The following HGF variants were observed in gnomAD, a reference collection of about 807,000 sequenced individuals.
HGF encodes hepatocyte growth factor, also known as fibroblast-derived tumor cytotoxic factor.
A neutral mutation model predicts 111.6 loss-of-function variants in HGF; 39 were observed. That is an observed-to-expected ratio of 0.35 (90% CI 0.27 to 0.46). HGF has a LOEUF of 0.46. Ranked by LOEUF, HGF falls within the 20% of genes least tolerant of loss-of-function variation. HGF has a pLI of 1.00. For missense variants in HGF, 735 were observed against 910.5 expected, an observed-to-expected ratio of 0.81 and a Z score of 2.48; for synonymous variants, 285 against 294.8, an observed-to-expected ratio of 0.97 and a Z score of 0.34.
chr7:81,737,711 A>C (rs921041050), intron 7 of HGF, among the ~76,000 whole-genome samples: 3 of 152,150 alleles, frequency 2.0e-5, no homozygotes, highest in Non-Finnish European at 4.4e-5. Context: ...TTCCATTAAA[A>C]TATATTTATT....
At chr7:81,757,965 T>G (rs1313587914) in intron 3 of HGF, among the ~76,000 whole-genome samples, 1 of 152,084 alleles carries the variant, frequency 6.6e-6, no homozygotes, top group Non-Finnish European at 1.5e-5. Context: ...ATTAACTTAC[T>G]TCTACCATAA....
At chr7:81,709,490 T>A (rs1789516434) in intron 13 of HGF, among the ~76,000 whole-genome samples, 1 of 152,206 alleles carries the variant, frequency 6.6e-6, no homozygotes, top group African/African-American at 2.4e-5. Flanking sequence ...TATTTAATTC[T>A]TATGACATAA....
chr7:81,720,675 G>A, intron 10 of HGF, 70 bp downstream of exon 10: 1 of 849,626 alleles, frequency 1.2e-6, no homozygotes, highest in East Asian at 2.5e-5. Flanking sequence ...AAATAGCAAT[G>A]TACATATCTA....
At chr7:81,760,335 T>G (rs1371240713) in intron 2 of HGF, among the ~76,000 whole-genome samples, 1 of 152,192 alleles carries the variant, frequency 6.6e-6, no homozygotes, top group Non-Finnish European at 1.5e-5. Flanking sequence ...CTGAAGAGCT[T>G]AGAATCAGGC....
At chr7:81,726,102 A>G (rs1790001099) in intron 8 of HGF, 85 bp from the exon 9 acceptor site, 2 of 1,306,340 alleles carry the variant, frequency 1.5e-6, no homozygotes, top group Non-Finnish European at 2.2e-6. Flanking sequence ...GAATTCTAGA[A>G]TGTATGCATG....
chr7:81,758,322 C>G (rs1042063579), intron 3 of HGF, among the ~76,000 whole-genome samples: 4 of 151,826 alleles, frequency 2.6e-5, no homozygotes, highest in Admixed American at 6.6e-5. Flanking sequence ...ATGCAAAATA[C>G]TATAGCAAAC....
intron 4 of HGF, chr7:81,756,233 G>A: frequency 3.5e-6 from 2 of 565,664 alleles, no homozygotes; most frequent in South Asian, 4.6e-5. Context: ...TTATGCTTCA[G>A]TTTTGTCATG....
chr7:81,737,542 A>G (rs1053569375), intron 7 of HGF, among the ~76,000 whole-genome samples: 1 of 152,062 alleles, frequency 6.6e-6, no homozygotes, highest in African/African-American at 2.4e-5. Context: ...TCTTTACACC[A>G]TGAAACTTTC....
At position 81,702,473 on chromosome 7, in the gene HGF, G is replaced by A; in HGVS notation, c.*108C>T. ...GAATTTCAACAAACATGACTCTCCA[G>A]TAGTTGTCTTAGGATTGTTGTAAGT... On this transcript the variant is annotated 3_prime_UTR_variant, in exon 18 of 18. Coordinates refer to ENST00000222390, the MANE Select transcript of HGF (RefSeq NM_000601.6). 2.3e-6 allele frequency: 2 copies of A among 870,124 alleles called. No individual in the cohort carries two copies. Among genetic ancestry groups the A allele is most frequent in the East Asian group, 2.5e-5 (1 of 40,672 alleles). 53.9% of individuals were successfully genotyped at this position (870,124 alleles called of 1,614,324 possible). A position where few individuals can be genotyped will look rare whatever the true frequency, so the allele number is the denominator to read the frequency against.
intron 11 of HGF, among the ~76,000 whole-genome samples, chr7:81,712,179 C>T (rs2115810383): frequency 6.6e-6 from 1 of 152,270 alleles, no homozygotes; most frequent in Non-Finnish European, 1.5e-5. Context: ...AGATGTCCAA[C>T]ATCCTACACC....
chr7:81,700,614 G>T lies in HGF; in HGVS notation c.*1967C>A, dbSNP rs1789254936. The T allele has an allele frequency of 6.6e-6, 1 of 151,480 alleles. No homozygotes were observed. The highest frequency in any genetic ancestry group is 2.4e-5 in the African/African-American group (1 of 41,346). The allele number at this position is 151,480 out of a possible 1,614,324, so 9.4% of individuals were successfully genotyped here. On this transcript the variant is annotated 3_prime_UTR_variant, in exon 18 of 18. Coordinates refer to ENST00000222390, the MANE Select transcript of HGF (RefSeq NM_000601.6). ...TAATAAAATTTCACTGGTTCAGCCAGAAGAAACTATGAAATATACTTTATA... is the reference window on the plus strand; with the variant it reads ...TAATAAAATTTCACTGGTTCAGCCATAAGAAACTATGAAATATACTTTATA...
chr7:81,762,639 A>T (rs1202935166), intron 2 of HGF, 68 bp downstream of exon 2: 3 of 1,135,318 alleles, frequency 2.6e-6, no homozygotes, highest in East Asian at 2.4e-5. Flanking sequence ...AACACAAAAG[A>T]CACATGATTA....
At chr7:81,741,772 CT>C (rs1562890699) in intron 7 of HGF, among the ~76,000 whole-genome samples, 1 of 151,684 alleles carries the variant, frequency 6.6e-6, no homozygotes, top group Non-Finnish European at 1.5e-5. Flanking sequence ...AACCCTGTCT[CT>C]ACTAAAAATA....
At chr7:81,742,740 C>A in intron 7 of HGF, 1 of 1,472,402 alleles carries the variant, frequency 6.8e-7, no homozygotes. Flanking sequence ...TAGGTAAGGG[C>A]CAGCATGTAG....
chr7:81,703,555 A>G (rs1789342839), intron 17 of HGF, among the ~76,000 whole-genome samples: 1 of 149,170 alleles, frequency 6.7e-6, no homozygotes, highest in South Asian at 2.1e-4. Flanking sequence ...GGTTTTATTT[A>G]TTCATATAAA....
At chr7:81,769,415 G>A (rs1012868987) in intron 1 of HGF, among the ~76,000 whole-genome samples, 2 of 152,160 alleles carry the variant, frequency 1.3e-5, no homozygotes, top group Non-Finnish European at 2.9e-5. Context: ...CCTGTACAAA[G>A]TCGTAATTTG....
At chr7:81,754,144 C>G (rs1788641603) in intron 4 of HGF, among the ~76,000 whole-genome samples, 1 of 151,840 alleles carries the variant, frequency 6.6e-6, no homozygotes, top group African/African-American at 2.4e-5. Context: ...TACGGTTGCC[C>G]CATATCTATC....
chr7:81,752,864 G>A (rs1236545813), intron 4 of HGF, among the ~76,000 whole-genome samples: 1 of 151,982 alleles, frequency 6.6e-6, no homozygotes, highest in Non-Finnish European at 1.5e-5. Flanking sequence ...GCTTACCTGT[G>A]CACTGAGTGT....
At chr7:81,710,331 C>A in intron 12 of HGF, 88 bp from the exon 13 acceptor site, 1 of 859,122 alleles carries the variant, frequency 1.2e-6, no homozygotes, top group South Asian at 1.4e-5. Flanking sequence ...ATGATAATTA[C>A]ACAAATGTAA....
Sources: allele counts gnomAD v4.1 joint callset (sites outside exome capture counted in the v4.1 genomes callset), GRCh38; gene constraint gnomAD v4.1.1; transcripts MANE v1.5; gene names NCBI Gene and HGNC (gene_info 2026-07-23, HGNC 2026-07-21).